EIF1AX: variants seen among roughly 807,000 people sequenced by gnomAD.
EIF1AX encodes the protein eukaryotic translation initiation factor 1A, X-chromosomal.
A neutral mutation model predicts 16.1 loss-of-function variants in EIF1AX; 1 was observed. The ratio of observed to expected loss-of-function variants is 0.06; its 90% CI spans 0.02 to 0.30. The LOEUF is 0.30. Among genes scored for constraint, EIF1AX ranks in the 10% least tolerant of loss-of-function variants. The probability of loss-of-function intolerance (pLI) is 1.00; values close to 1 mark genes in which losing one functional copy is unlikely to be tolerated. For synonymous variants in EIF1AX, 32 were observed against 37.3 expected (o/e 0.86, Z 0.51); for missense variants, 11 against 109.1 (o/e 0.10, Z 4.00).
chrX:20,138,644 A>G (rs377327969), intron 1 of EIF1AX, 22 bp from the exon 2 acceptor site: 6 of 1,042,942 alleles, frequency 5.8e-6, no homozygotes, highest in Non-Finnish European at 7.9e-6. Context: ...AAAAAAAGAA[A>G]AGGAGGTAAA....
chrX:20,128,881 A>C (rs1000572844), intron 6 of EIF1AX, among the ~76,000 whole-genome samples: 3 of 109,683 alleles, frequency 2.7e-5, no homozygotes, highest in African/African-American at 1.0e-4. Context: ...TCAACCCATT[A>C]TCTTGGTGCA....
At chrX:20,135,666 G>A (rs2067014520) in intron 3 of EIF1AX, 72 bp downstream of exon 3, 1 of 773,354 alleles carries the variant, frequency 1.3e-6, no homozygotes, top group Non-Finnish European at 2.0e-6. Context: ...GAAGTCCATG[G>A]ACAGTTAAAA....
chrX:20,136,414 T>C (rs999954105), intron 2 of EIF1AX: 24 of 271,593 alleles, frequency 8.8e-5, no homozygotes, highest in Admixed American at 8.0e-4. Context: ...TCTCAGAGAA[T>C]GTAATGCCAT....
chrX:20,136,796 G>A (rs2067018362), intron 2 of EIF1AX, among the ~76,000 whole-genome samples: 1 of 111,716 alleles, frequency 9.0e-6, no homozygotes, highest in Non-Finnish European at 1.9e-5. Flanking sequence ...GAGGGAAAAA[G>A]TAATAATAAA....
intron 3 of EIF1AX, among the ~76,000 whole-genome samples, chrX:20,135,481 T>C (rs1279632689): frequency 9.0e-6 from 1 of 111,319 alleles, no homozygotes; most frequent in African/African-American, 3.3e-5. Context: ...ACTGGGCCGT[T>C]TGTTTTTGCA....
Position 20,124,687 on chromosome X carries a change from T to C in EIF1AX, c.*3619A>G, listed in dbSNP as rs1457678912. Reference sequence around the variant, plus strand: ...CACTGAAGATTTAAGAATAAAATATTATCAGAGGTATCAATATTAATAACT... The same window carrying C: ...CACTGAAGATTTAAGAATAAAATATCATCAGAGGTATCAATATTAATAACT... On this transcript the variant is annotated 3_prime_UTR_variant, in exon 7 of 7. Coordinates refer to ENST00000379607, the MANE Select transcript of EIF1AX (RefSeq NM_001412.4). 1 of 141,607 alleles carries C rather than the reference T, an allele frequency of 7.1e-6. No homozygotes were observed. The highest frequency in any genetic ancestry group is 1.4e-5 in the Non-Finnish European group (1 of 70,886). 11.7% of individuals were successfully genotyped at this position (141,607 alleles called of 1,213,427 possible).
chrX:20,139,262 TTC>T (rs2067026924), intron 1 of EIF1AX, among the ~76,000 whole-genome samples: 1 of 111,970 alleles, frequency 8.9e-6, no homozygotes, highest in Non-Finnish European at 1.9e-5. Flanking sequence ...CCAATTTACT[TTC>T]TTTTATAATG....
At chrX:20,133,544 G>A (rs772394281) in intron 4 of EIF1AX, among the ~76,000 whole-genome samples, 88 of 109,642 alleles carry the variant, frequency 8.0e-4, no homozygotes, top group Non-Finnish European at 1.5e-3. Context: ...GTATGATCGA[G>A]GCTATACAAA....
intron 2 of EIF1AX, among the ~76,000 whole-genome samples, chrX:20,137,933 C>A (rs977432243): frequency 9.3e-6 from 1 of 107,176 alleles, no homozygotes; most frequent in African/African-American, 3.4e-5. Flanking sequence ...GTGGGAGAAT[C>A]ACTTGAGCCC....
chrX:20,126,658 A>G lies in EIF1AX; in HGVS notation c.*1648T>C. The stretch of plus-strand genomic sequence containing the variant: ...GCCTAAATATCTTAGGAGGTTTAGA[A>G]TACCAATGAAGAGAATTGTTAATTC... On this transcript the variant is annotated 3_prime_UTR_variant, in exon 7 of 7. Transcript: ENST00000379607. 7.4e-6 allele frequency: 1 copy of G among 134,513 alleles called. No individual in the cohort carries two copies. The highest frequency in any genetic ancestry group is 1.2e-4 in the East Asian group (1 of 8,382). The allele number at this position is 134,513 out of a possible 1,213,427, so 11.1% of individuals were successfully genotyped here.
chrX:20,140,624 A>G (rs970431347), intron 1 of EIF1AX, among the ~76,000 whole-genome samples: 8 of 111,908 alleles, frequency 7.1e-5, no homozygotes, highest in Admixed American at 4.7e-4. Flanking sequence ...GTCAAGTAGA[A>G]AAGAGAGCAG....
intron 2 of EIF1AX, among the ~76,000 whole-genome samples, chrX:20,136,618 C>G (rs183086087): frequency 2.9e-4 from 33 of 111,954 alleles, no homozygotes; most frequent in Admixed American, 5.7e-4. Context: ...TATGACTAAT[C>G]CCCAGAGAGG....
chrX:20,139,593 T>C (rs1022969338), intron 1 of EIF1AX, among the ~76,000 whole-genome samples: 6 of 111,141 alleles, frequency 5.4e-5, no homozygotes, highest in African/African-American at 2.0e-4. Flanking sequence ...GGAAACCACA[T>C]TGGCAGCCAT....
rs775430157 is a variant in EIF1AX, at chrX:20,125,079, T to TA, written c.*3226dup. On this transcript the variant is annotated 3_prime_UTR_variant, in exon 7 of 7. Coordinates refer to ENST00000379607, the MANE Select transcript of EIF1AX (RefSeq NM_001412.4). ...GGTACTGTTTTCATCATCCCCATCT[T>TA]AGAGGTGAAGAACCTGAAGCTGAGA... The TA allele has an allele frequency of 4.8e-5, 7 of 144,360 alleles. No homozygotes were observed. Among genetic ancestry groups the TA allele is most frequent in the African/African-American group, 2.2e-4 (7 of 32,205 alleles). 11.9% of individuals were successfully genotyped at this position (144,360 alleles called of 1,213,427 possible).
rs562187770 is a variant in EIF1AX, at chrX:20,125,323, C to T, written c.*2983G>A. The T allele has an allele frequency of 7.7e-5, 13 of 169,548 alleles. No individual in the cohort carries two copies. The highest frequency in any genetic ancestry group is 3.3e-4 in the African/African-American group (11 of 33,778). 14.0% of individuals were successfully genotyped at this position (169,548 alleles called of 1,213,427 possible). ...CATTCTATACCTGAGAGTCTTGTGT[C>T]TTTTCACATTTTGCTCTTTTCTGAA... On this transcript the variant is annotated 3_prime_UTR_variant, in exon 7 of 7. Transcript: ENST00000379607.
At chrX:20,131,294 A>C (rs1384538796) in intron 5 of EIF1AX, among the ~76,000 whole-genome samples, 1 of 111,917 alleles carries the variant, frequency 8.9e-6, no homozygotes, top group Admixed American at 9.5e-5. Flanking sequence ...ATCCTATGGG[A>C]TACTATTATA....
intron 2 of EIF1AX, chrX:20,136,051 T>C: frequency 2.7e-6 from 1 of 370,470 alleles, no homozygotes; most frequent in Non-Finnish European, 4.9e-6. Flanking sequence ...CATTTCTTTC[T>C]TTCTTTCTTT....
intron 2 of EIF1AX, 200 bp from the exon 3 acceptor site, chrX:20,136,041 CATTT>C (rs2067015725): frequency 2.6e-6 from 1 of 385,711 alleles, no homozygotes; most frequent in Admixed American, 4.3e-5. Flanking sequence ...TCTATGATGA[CATTT>C]CTTTCTTTCT....
rs747343954 is a variant in EIF1AX at position 20,141,615 on chromosome X, G to A, written c.16+10C>T. The A allele has an allele frequency of 1.7e-5, 20 of 1,154,855 alleles. No homozygotes were observed. The highest frequency in any genetic ancestry group is 2.7e-4 in the Middle Eastern group (1 of 3,684). On this transcript the variant is annotated intron_variant, in intron 1 of 6. Coordinates refer to ENST00000379607, the MANE Select transcript of EIF1AX (RefSeq NM_001412.4). Reference sequence around the variant, plus strand: ...GCAGAGCCGTGGTCCGGGGGTCCGGGCGGCATTACCTTTATTCTTGGGCAT... The same window carrying A: ...GCAGAGCCGTGGTCCGGGGGTCCGGACGGCATTACCTTTATTCTTGGGCAT...
Sources: allele counts gnomAD v4.1 joint callset (sites outside exome capture counted in the v4.1 genomes callset), GRCh38; gene constraint gnomAD v4.1.1; transcripts MANE v1.5; gene names NCBI Gene and HGNC (gene_info 2026-07-23, HGNC 2026-07-21).